Variants in TCP11 observed in about 807,000 individuals in gnomAD.
TCP11 encodes the protein t-complex 11, also known as T-complex protein 11 homolog.
A neutral mutation model predicts 45.0 loss-of-function variants in TCP11; 34 were observed. The ratio of observed to expected loss-of-function variants is 0.76; its 90% confidence interval spans 0.57 to 1.01. TCP11 has a LOEUF of 1.01. Ranked by LOEUF, TCP11 falls within the 50% of genes least tolerant of loss-of-function variation. TCP11 has a pLI of 0.00. For synonymous variants in TCP11, 227 were observed against 227.0 expected, an observed-to-expected ratio of 1.00 and a Z score of 0.00; for missense variants, 523 against 598.1, an observed-to-expected ratio of 0.87 and a Z score of 1.31.
intron 9 of TCP11, 83 bp from the exon 10 acceptor site, chr6:35,118,584 G>T (rs888914946): frequency 2.3e-6 from 3 of 1,299,214 alleles, no homozygotes; most frequent in African/African-American, 1.5e-5. Context: ...ACTCACCCAT[G>T]TTCTAAGTTA....
rs577802448 is a variant in TCP11 at position 35,139,212 on chromosome 6, A to C, written c.124+1535T>G. 7.9e-5 allele frequency among the ~76,000 whole-genome samples: 12 copies of C among 152,042 alleles called. No individual in the cohort carries two copies. The East Asian group carries it at 9.6e-4, about 12-fold the overall frequency. On this transcript the variant is annotated intron_variant, in intron 2 of 9. Transcript: ENST00000311875. ...AAACAGCTAGTTTATAAAAAAAAAA[A>C]AACCCATCAACAACAACAAAAATTA...
chr6:35,129,660 A>G (rs1157411823), intron 3 of TCP11, among the ~76,000 whole-genome samples: 1 of 152,248 alleles, frequency 6.6e-6, no homozygotes, highest in African/African-American at 2.4e-5. Flanking sequence ...TTCCTCCTCC[A>G]AACCTGCTCC....
intron 3 of TCP11, among the ~76,000 whole-genome samples, chr6:35,131,913 T>A (rs889931323): frequency 6.6e-6 from 1 of 152,140 alleles, no homozygotes; most frequent in African/African-American, 2.4e-5. Flanking sequence ...CCTCCTACCA[T>A]CATCTCTTAC....
Position 35,122,231 on chromosome 6 carries a change from T to C in TCP11, c.464A>G (p.Lys155Arg), listed in dbSNP as rs776337343. The C allele has an allele frequency of 1.9e-6, 3 of 1,614,160 alleles. No individual in the cohort carries two copies. The South Asian group carries it at 3.3e-5, about 18-fold the overall frequency. The change falls in exon 5 of 10, where the codon AAA (lysine) becomes AGA (arginine). Residue 155 changes from lysine (K) to arginine (R), a missense_variant. By Grantham distance (26) the Lys-to-Arg change is conservative. Around this residue, in one of 2 missense-constraint regions of TCP11, gnomAD observed 225 missense variants for 210.2 expected, o/e 1.07. Coordinates refer to ENST00000311875, the MANE Select transcript of TCP11 (RefSeq NM_001370687.1). ...AACGTACTTAGAGAGATAGAGGACT[T>C]TCAGGGCCCCATGTTCTGCCTCCTG... is the stretch of plus-strand genomic sequence containing the variant. ...LKQEAEHGAL[K>R]VLYLSKYVLN...
intron 2 of TCP11, chr6:35,139,903 T>C: frequency 8.7e-7 from 1 of 1,143,024 alleles, no homozygotes; most frequent in Non-Finnish European, 1.2e-6. Context: ...TTCAAATTTT[T>C]TTAAAAAGGA....
In TCP11 at chr6:35,120,786, T is replaced by A; in HGVS notation, c.715+123A>T. Reference sequence around the variant, plus strand: ...TTCTGTCTTAGATAAATGTTCCTTCTCCCTCCCTTCACCTAATAAGCAACT... The same window carrying A: ...TTCTGTCTTAGATAAATGTTCCTTCACCCTCCCTTCACCTAATAAGCAACT... On this transcript the variant is annotated intron_variant, in intron 6 of 9. Transcript: ENST00000311875. This position sits in a 1 kb window ranked among gnomAD's most constrained non-coding sequence, Gnocchi z 4.9. 7.1e-7 allele frequency: 1 copy of A among 1,403,978 alleles called. No individual in the cohort carries two copies. Among genetic ancestry groups the A allele is most frequent in the Non-Finnish European group, 9.7e-7 (1 of 1,029,886 alleles). The allele number at this position is 1,403,978 out of a possible 1,614,324, so 87.0% of individuals were successfully genotyped here.
intron 4 of TCP11, among the ~76,000 whole-genome samples, chr6:35,125,040 G>A (rs1334014694): frequency 4.0e-5 from 6 of 151,390 alleles, no homozygotes; most frequent in African/African-American, 7.3e-5. Context: ...AAAATTAGCC[G>A]GGCGTGATAG....
At chr6:35,139,702 A>G (rs1231958049) in intron 2 of TCP11, among the ~76,000 whole-genome samples, 2 of 152,232 alleles carry the variant, frequency 1.3e-5, no homozygotes, top group African/African-American at 4.8e-5. Flanking sequence ...GCCTGCCTTG[A>G]TAAGACTTCT....
chr6:35,141,243 C>T lies in TCP11; in HGVS notation c.-53G>A. 1 of 1,338,406 alleles carries T rather than the reference C, an allele frequency of 7.5e-7. No homozygotes were observed. Among genetic ancestry groups the T allele is most frequent in the Non-Finnish European group, 9.6e-7 (1 of 1,043,830 alleles). The allele number at this position is 1,338,406 out of a possible 1,614,324, so 82.9% of individuals were successfully genotyped here. A position where few individuals can be genotyped will look rare whatever the true frequency, so the allele number is the denominator to read the frequency against. On this transcript the variant is annotated 5_prime_UTR_variant, in exon 1 of 10. Transcript: ENST00000311875. The stretch of plus-strand genomic sequence containing the variant: ...GCCGCGGGTCATCCACTGGCGTCCG[C>T]TCGGTGGGCCTCGCGGCCTGGCGGC...
intron 3 of TCP11, among the ~76,000 whole-genome samples, chr6:35,131,480 A>T (rs965263692): frequency 1.3e-5 from 2 of 151,932 alleles, no homozygotes; most frequent in South Asian, 4.2e-4. Flanking sequence ...AGGCAGGAGA[A>T]TCACTTGAAA....
At position 35,120,202 on chromosome 6, in the gene TCP11, G is replaced by C. The variant is rs1404199363; in HGVS notation, c.1072C>G (p.Leu358Val). The change falls in exon 8 of 10, where the codon CTG becomes GTG. Residue 358 changes from leucine to valine, a missense_variant. Physicochemically the swap from Leu to Val is conservative, Grantham distance 32. Transcript: ENST00000311875. The surrounding 1 kb of genome is among the most constrained non-coding windows in gnomAD (Gnocchi z 4.9). ...LFGSPQFVDK[L>V]KRITKSLLED... The stretch of plus-strand genomic sequence containing the variant: ...AACAAGGATTTGGTTATGCGTTTCA[G>C]TTTATCTACAAATTGGGGTGAGCCA... 1 of 1,614,106 alleles carries C rather than the reference G, an allele frequency of 6.2e-7. No homozygotes were observed. The highest frequency in any genetic ancestry group is 1.3e-5 in the African/African-American group (1 of 74,934).
In TCP11 at chr6:35,120,835, G is replaced by GTACT. The variant is rs1779152115; in HGVS notation, c.715+70_715+73dup. 1 of 1,515,902 alleles carries GTACT rather than the reference G, an allele frequency of 6.6e-7. No homozygotes were observed. Among genetic ancestry groups the GTACT allele is most frequent in the Non-Finnish European group, 8.9e-7 (1 of 1,124,254 alleles). 93.9% of individuals were successfully genotyped at this position (1,515,902 alleles called of 1,614,324 possible). Reference sequence around the variant, plus strand: ...CTTTCTATTCCTAAAAAGAGATAGAGTACTCTCTAACATTATAAAAGTCAG... The same window carrying GTACT: ...CTTTCTATTCCTAAAAAGAGATAGAGTACTTACTCTCTAACATTATAAAAGTCAG... On this transcript the variant is annotated intron_variant, in intron 6 of 9. Coordinates refer to ENST00000311875, the MANE Select transcript of TCP11 (RefSeq NM_001370687.1). The surrounding 1 kb of genome is among the most constrained non-coding windows in gnomAD (Gnocchi z 4.9).
At chr6:35,123,300 C>CTTA (rs1321467534) in intron 4 of TCP11, among the ~76,000 whole-genome samples, 3 of 152,246 alleles carry the variant, frequency 2.0e-5, no homozygotes, top group East Asian at 3.9e-4. Context: ...ATGCCTTAAA[C>CTTA]ACATGCAAAC....
At chr6:35,131,529 C>A (rs1393993273) in intron 3 of TCP11, among the ~76,000 whole-genome samples, 3 of 152,080 alleles carry the variant, frequency 2.0e-5, no homozygotes, top group African/African-American at 7.2e-5. Context: ...GATTGTGCCA[C>A]CGCACTCCAG....
chr6:35,141,322 A>C lies in TCP11; in HGVS notation c.-132T>G, dbSNP rs1781765265. The C allele has an allele frequency of 8.0e-7, 1 of 1,244,028 alleles. No homozygotes were observed. Among genetic ancestry groups the C allele is most frequent in the Non-Finnish European group, 1.0e-6 (1 of 983,970 alleles). 77.1% of individuals were successfully genotyped at this position (1,244,028 alleles called of 1,614,324 possible). A position where few individuals can be genotyped will look rare whatever the true frequency, so the allele number is the denominator to read the frequency against. ...GGGTTGGGGCGTCGCACGGTGAGAAAGGCCGGGGCCTGAGAACAAACCGCC... is the reference window on the plus strand; with the variant it reads ...GGGTTGGGGCGTCGCACGGTGAGAACGGCCGGGGCCTGAGAACAAACCGCC... On this transcript the variant is annotated 5_prime_UTR_variant, in exon 1 of 10. Coordinates refer to ENST00000311875, the MANE Select transcript of TCP11 (RefSeq NM_001370687.1).
chr6:35,140,699 C>T, intron 2 of TCP11, 48 bp downstream of exon 2: 6 of 1,333,308 alleles, frequency 4.5e-6, no homozygotes, highest in East Asian at 2.3e-5. Context: ...GGACCCCCCA[C>T]ACTAAGCACC....
chr6:35,125,039 C>T (rs1447217603), intron 4 of TCP11, among the ~76,000 whole-genome samples: 1 of 151,056 alleles, frequency 6.6e-6, no homozygotes, highest in Non-Finnish European at 1.5e-5. Context: ...AAAAATTAGC[C>T]GGGCGTGATA....
chr6:35,141,233 C>T lies in TCP11; in HGVS notation c.-43G>A. On this transcript the variant is annotated 5_prime_UTR_variant, in exon 1 of 10. In the 5' UTR this introduces an upstream ATG that the reference lacks. Transcript: ENST00000311875. ...CTCCTCCCCCGCCGCGGGTCATCCACTGGCGTCCGCTCGGTGGGCCTCGCG... is the reference window on the plus strand; with the variant it reads ...CTCCTCCCCCGCCGCGGGTCATCCATTGGCGTCCGCTCGGTGGGCCTCGCG... 7.2e-7 allele frequency: 1 copy of T among 1,393,918 alleles called. No individual in the cohort carries two copies. Among genetic ancestry groups the T allele is most frequent in the East Asian group, 3.1e-5 (1 of 32,382 alleles). The allele number at this position is 1,393,918 out of a possible 1,614,324, so 86.3% of individuals were successfully genotyped here.
In TCP11 at chr6:35,119,359, T is replaced by C. The variant is rs1354092680; in HGVS notation, c.1148A>G (p.Gln383Arg). 2 of 1,614,238 alleles carry C rather than the reference T, an allele frequency of 1.2e-6. No homozygotes were observed. The highest frequency in any genetic ancestry group is 1.7e-6 in the Non-Finnish European group (2 of 1,180,034). The change falls in exon 9 of 10, where the codon CAG (glutamine) becomes CGG (arginine). Residue 383 changes from glutamine to arginine, a missense_variant. This residue lies in a region of TCP11 where 298 missense variants were observed against 387.9 expected (regional missense o/e 0.77). Coordinates refer to ENST00000311875, the MANE Select transcript of TCP11 (RefSeq NM_001370687.1). Reference protein sequence around the residue: ...PEEAILTVSEQVSQEIHQSLK... With the variant: ...PEEAILTVSERVSQEIHQSLK... ...GCTTTGATGGATTTCCTGAGATACC[T>C]GTTCACTCACAGTCAGTATAGCTTC...
Sources: allele counts gnomAD v4.1 joint callset (sites outside exome capture counted in the v4.1 genomes callset), GRCh38; gene constraint gnomAD v4.1.1; regional missense constraint gnomAD v4.1.1; non-coding constraint Gnocchi (gnomAD v3.1); transcripts MANE v1.5; gene names NCBI Gene and HGNC (gene_info 2026-07-23, HGNC 2026-07-21).